The following PCSK6 variants were observed in gnomAD, a reference collection of about 807,000 sequenced individuals.
PCSK6 encodes proprotein convertase subtilisin/kexin type 6.
In PCSK6, 85 loss-of-function variants were observed where a neutral mutation model predicts 123.3. That is an observed-to-expected ratio of 0.69 (90% confidence interval 0.58 to 0.83). PCSK6 has a LOEUF of 0.83. PCSK6 is among the 40% of genes least tolerant of loss of function. PCSK6 has a pLI of 0.00. For missense variants in PCSK6, 1,191 were observed against 1,282.3 expected, an observed-to-expected ratio of 0.93 and a Z score of 1.09; for synonymous variants, 508 against 516.0, an observed-to-expected ratio of 0.98 and a Z score of 0.21.
At chr15:101,343,237 T>C (rs189305776) in intron 13 of PCSK6, among the ~76,000 whole-genome samples, 1 of 152,318 alleles carries the variant, frequency 6.6e-6, no homozygotes, top group Admixed American at 6.5e-5. Context: ...TGAAATCATA[T>C]AGTTTCAGCT....
At chr15:101,325,895 G>A (rs1185594471) in intron 16 of PCSK6, among the ~76,000 whole-genome samples, 1 of 152,224 alleles carries the variant, frequency 6.6e-6, no homozygotes, top group African/African-American at 2.4e-5. Context: ...TCAGCCTCAT[G>A]GGCTCTCTGG....
At chr15:101,435,407 C>G (rs758612637) in intron 2 of PCSK6, among the ~76,000 whole-genome samples, 21 of 152,204 alleles carry the variant, frequency 1.4e-4, no homozygotes, top group Non-Finnish European at 2.9e-4. Flanking sequence ...GGAAAATCAA[C>G]TATAAGTGAT....
At chr15:101,483,132 G>C (rs2057932346) in intron 1 of PCSK6, among the ~76,000 whole-genome samples, 1 of 152,168 alleles carries the variant, frequency 6.6e-6, no homozygotes, top group Non-Finnish European at 1.5e-5. Flanking sequence ...ATAAAACCAA[G>C]ACAGCCTTAG....
intron 6 of PCSK6, among the ~76,000 whole-genome samples, chr15:101,414,436 C>A (rs528464000): frequency 6.6e-6 from 1 of 152,130 alleles, no homozygotes; most frequent in Non-Finnish European, 1.5e-5. Context: ...ATTGTTGATG[C>A]ATGATGTAAA....
At chr15:101,338,186 C>T (rs1176182180) in intron 13 of PCSK6, among the ~76,000 whole-genome samples, 1 of 152,204 alleles carries the variant, frequency 6.6e-6, no homozygotes, top group African/African-American at 2.4e-5. Context: ...ATAAGAATCA[C>T]CCCCTCTACA....
chr15:101,340,071 A>G (rs1380385515), intron 13 of PCSK6, among the ~76,000 whole-genome samples: 1 of 152,232 alleles, frequency 6.6e-6, no homozygotes, highest in African/African-American at 2.4e-5. Flanking sequence ...AGTAAGAGAA[A>G]GGTAAAAAGG....
intron 12 of PCSK6, among the ~76,000 whole-genome samples, chr15:101,368,495 A>G (rs1232602814): frequency 6.6e-6 from 1 of 152,246 alleles, no homozygotes; most frequent in African/African-American, 2.4e-5. Flanking sequence ...CTGGGAGCCC[A>G]GCCAGGAGTG....
Position 101,370,511 on chromosome 15 carries a change from T to C in PCSK6, c.1545A>G (p.Leu515=), listed in dbSNP as rs2041549366. 4 of 1,503,536 alleles carry C rather than the reference T, an allele frequency of 2.7e-6. No individual in the cohort carries two copies. The highest frequency in any genetic ancestry group is 2.7e-6 in the Non-Finnish European group (3 of 1,118,926). 93.1% of individuals were successfully genotyped at this position (1,503,536 alleles called of 1,614,324 possible). ...GGGCCGTAGTCCGCAGCACCTGCAC[T>C]AAGGGGATGCTCCTGGGGGAGAAGG... is the stretch of plus-strand genomic sequence containing the variant. ...ASDKRPRSIP[L]VQVLRTTALT... Residue 515 remains leucine (L), a synonymous_variant, in exon 12 of 22, where the codon TTA becomes TTG. Transcript: ENST00000611716.
At chr15:101,403,679 TCA>T in intron 6 of PCSK6, among the ~76,000 whole-genome samples, 1 of 152,200 alleles carries the variant, frequency 6.6e-6, no homozygotes, top group East Asian at 1.9e-4. Flanking sequence ...AGGAAAATGA[TCA>T]GAATTTTTGG....
At position 101,329,311 on chromosome 15, in the gene PCSK6, C is replaced by T. The variant is rs189413945; in HGVS notation, c.2077+2340G>A. 5.3e-5 allele frequency among the ~76,000 whole-genome samples: 8 copies of T among 152,318 alleles called. No homozygotes were observed. The East Asian group carries it at 5.8e-4, about 11-fold the overall frequency. On this transcript the variant is annotated intron_variant, in intron 15 of 21. Coordinates refer to ENST00000611716, the MANE Select transcript of PCSK6 (RefSeq NM_002570.5). ...GCCGTTGCGCGCTCAGACCAACTGC[C>T]GATGGACAGGAGAGTTTGGTATCAC...
chr15:101,347,505 A>C, intron 13 of PCSK6: 1 of 1,338,834 alleles, frequency 7.5e-7, no homozygotes, highest in Non-Finnish European at 9.6e-7. Context: ...CTGAAGACAG[A>C]ACTGGTTAAA....
rs79642807 is a variant in PCSK6, at chr15:101,363,652, C to T, written c.1858+2544G>A. ...TATAACACTTTTTTTTTTTTTGAGACGGAGTCTCGCTCTGTCACCCAGGCT... is the reference window on the plus strand; with the variant it reads ...TATAACACTTTTTTTTTTTTTGAGATGGAGTCTCGCTCTGTCACCCAGGCT... On this transcript the variant is annotated intron_variant, in intron 13 of 21. Transcript: ENST00000611716. Among the ~76,000 whole-genome samples the T allele has an allele frequency of 3.5e-3, 519 of 150,042 alleles. 5 individuals are homozygous for T. Among genetic ancestry groups the T allele is most frequent in the East Asian group, 0.031 (161 of 5,118 alleles).
At chr15:101,417,842 T>G (rs966440939) in intron 6 of PCSK6, among the ~76,000 whole-genome samples, 4 of 149,816 alleles carry the variant, frequency 2.7e-5, no homozygotes, top group East Asian at 3.9e-4. Context: ...CAAAAGCCTG[T>G]TTTTTTTTAT....
At chr15:101,395,667 A>C (rs1453948740) in intron 7 of PCSK6, among the ~76,000 whole-genome samples, 2 of 152,104 alleles carry the variant, frequency 1.3e-5, no homozygotes, top group Non-Finnish European at 2.9e-5. Context: ...GGACATTTCA[A>C]CCCTAGCCAT....
In PCSK6 at chr15:101,413,465, G is replaced by GAA. The variant is rs144985622; in HGVS notation, c.823+14425_823+14426dup. ...GTTCAAGTAACCCACAGGAAGGCAG[G>GAA]AAAAAAAAAACAGAGAAACTAAATA... On this transcript the variant is annotated intron_variant, in intron 6 of 21. Coordinates refer to ENST00000611716, the MANE Select transcript of PCSK6 (RefSeq NM_002570.5). Among the ~76,000 whole-genome samples, 560 of 146,836 alleles carry GAA rather than the reference G, an allele frequency of 3.8e-3. 3 individuals carry two copies. Among genetic ancestry groups the GAA allele is most frequent in the African/African-American group, 9.1e-3 (364 of 40,044 alleles).
chr15:101,476,111 T>G lies in PCSK6; in HGVS notation c.297+13263A>C, dbSNP rs112034572. The stretch of plus-strand genomic sequence containing the variant: ...CTGGGAAAAAGTTACTTAACCTCTC[T>G]GTGCTTTTGTTTCCACATCTGTAAA... On this transcript the variant is annotated intron_variant, in intron 1 of 21. Transcript: ENST00000611716. Among the ~76,000 whole-genome samples, 60 of 152,364 alleles carry G rather than the reference T, an allele frequency of 3.9e-4. 3 individuals are homozygous for G. The highest frequency in any genetic ancestry group is 1.4e-3 in the African/African-American group (59 of 41,584).
chr15:101,383,696 G>C (rs1162394863), intron 10 of PCSK6, among the ~76,000 whole-genome samples: 1 of 152,186 alleles, frequency 6.6e-6, no homozygotes, highest in Admixed American at 6.5e-5. Context: ...CTGAAGGCAA[G>C]TTTCAAAATC....
chr15:101,366,705 T>G (rs1421548442), intron 12 of PCSK6, among the ~76,000 whole-genome samples: 1 of 152,094 alleles, frequency 6.6e-6, no homozygotes, highest in Non-Finnish European at 1.5e-5. Context: ...GCAACAATCT[T>G]ACAGAGACCA....
intron 7 of PCSK6, among the ~76,000 whole-genome samples, chr15:101,397,276 T>C (rs1463787549): frequency 2.0e-5 from 3 of 151,742 alleles, no homozygotes; most frequent in Non-Finnish European, 4.4e-5. Flanking sequence ...ATGAACATGG[T>C]TTGAAAACAG....
Sources: gnomAD v4.1 joint callset for allele counts (sites outside exome capture counted in the v4.1 genomes callset) on GRCh38, gnomAD v4.1.1 for gene constraint, MANE v1.5 for transcripts, NCBI Gene and HGNC (gene_info 2026-07-23, HGNC 2026-07-21) for gene names.